The following CCDC170 variants were observed in gnomAD, a reference collection of about 807,000 sequenced individuals.
The protein encoded by CCDC170 is coiled-coil domain containing 170, also known as coiled-coil domain-containing protein 170.
CCDC170 carries 69 observed loss-of-function variants against 72.6 expected under a neutral mutation model. That is an observed-to-expected ratio of 0.95 (90% CI 0.78 to 1.16). The LOEUF is 1.16. CCDC170 is among the 50% of genes most tolerant of loss of function. The pLI is 0.00. For synonymous variants in CCDC170, 300 were observed against 303.9 expected (o/e 0.99, Z 0.13); for missense variants, 852 against 832.5 (o/e 1.02, Z -0.29).
chr6:151,529,170 TAACA>T (rs1364869424), intron 1 of CCDC170, among the ~76,000 whole-genome samples: 1 of 152,178 alleles, frequency 6.6e-6, no homozygotes, highest in Non-Finnish European at 1.5e-5. Context: ...TGAAAAACAG[TAACA>T]AACAATGAAT....
At chr6:151,545,087 TTGAG>T (rs1383201481) in intron 4 of CCDC170, among the ~76,000 whole-genome samples, 1 of 152,120 alleles carries the variant, frequency 6.6e-6, no homozygotes, top group African/African-American at 2.4e-5. Context: ...AGGATACTGA[TTGAG>T]TGTGAGATCT....
chr6:151,601,380 T>G (rs1776706212), intron 9 of CCDC170, among the ~76,000 whole-genome samples: 1 of 152,088 alleles, frequency 6.6e-6, no homozygotes. Context: ...ATATCACTTC[T>G]TTTACTTAGT....
intron 6 of CCDC170, among the ~76,000 whole-genome samples, chr6:151,582,575 C>T (rs1276283186): frequency 1.3e-5 from 2 of 152,056 alleles, no homozygotes; most frequent in Admixed American, 1.3e-4. Context: ...TTTGTGTTGC[C>T]ATAAAAGAAT....
chr6:151,595,015 T>C (rs73780807), intron 8 of CCDC170, among the ~76,000 whole-genome samples: 16,853 of 152,176 alleles, frequency 0.11, 1,201 homozygotes, highest in African/African-American at 0.21. Flanking sequence ...ATTAAAAAGG[T>C]CTTGTTCAAA....
chr6:151,533,394 G>T (rs1203925341), intron 1 of CCDC170, among the ~76,000 whole-genome samples: 1 of 151,876 alleles, frequency 6.6e-6, no homozygotes, highest in Non-Finnish European at 1.5e-5. Context: ...CTGGCTGGGC[G>T]TAGTGGCTCA....
intron 4 of CCDC170, among the ~76,000 whole-genome samples, chr6:151,545,257 T>TG (rs1782753491): frequency 6.6e-6 from 1 of 151,900 alleles, no homozygotes; most frequent in South Asian, 2.1e-4. Flanking sequence ...CCGTCTCTAC[T>TG]AAAATACAAA....
intron 1 of CCDC170, among the ~76,000 whole-genome samples, chr6:151,498,938 A>G (rs111304522): frequency 9.0e-5 from 11 of 122,530 alleles, no homozygotes; most frequent in African/African-American, 2.1e-4. Flanking sequence ...TTCTAGGCAC[A>G]CTGTATAAGT....
At chr6:151,509,573 T>C (rs1017937805) in intron 1 of CCDC170, among the ~76,000 whole-genome samples, 3 of 152,124 alleles carry the variant, frequency 2.0e-5, no homozygotes, top group African/African-American at 4.8e-5. Context: ...AGCTCCCAAA[T>C]CAACAAGATC....
intron 1 of CCDC170, among the ~76,000 whole-genome samples, chr6:151,523,910 G>A (rs1446450198): frequency 1.3e-5 from 2 of 152,200 alleles, no homozygotes; most frequent in Non-Finnish European, 2.9e-5. Flanking sequence ...ATCACCTGGA[G>A]TACTTTGTCT....
intron 6 of CCDC170, among the ~76,000 whole-genome samples, chr6:151,582,684 C>A (rs1776395127): frequency 1.3e-5 from 2 of 152,132 alleles, no homozygotes; most frequent in South Asian, 4.1e-4. Flanking sequence ...TGGCAATGAA[C>A]CTCAAGAAAC....
intron 1 of CCDC170, among the ~76,000 whole-genome samples, chr6:151,532,432 C>A (rs1360998275): frequency 6.6e-6 from 1 of 151,886 alleles, no homozygotes; most frequent in African/African-American, 2.4e-5. Flanking sequence ...CATGGTGAAA[C>A]CCTGTCTCTA....
chr6:151,560,741 G>A (rs1271726721), intron 5 of CCDC170, among the ~76,000 whole-genome samples: 1 of 151,984 alleles, frequency 6.6e-6, no homozygotes, highest in African/African-American at 2.4e-5. Flanking sequence ...TACTGTTGTA[G>A]GTTTAAATTC....
At chr6:151,596,657 G>T in intron 9 of CCDC170, 80 bp downstream of exon 9, 1 of 1,540,612 alleles carries the variant, frequency 6.5e-7, no homozygotes, top group Non-Finnish European at 8.7e-7. Context: ...CAGCTTTATC[G>T]GGACACGCCA....
intron 6 of CCDC170, among the ~76,000 whole-genome samples, chr6:151,585,175 T>C (rs527412447): frequency 3.3e-5 from 5 of 152,244 alleles, no homozygotes; most frequent in South Asian, 2.1e-4. Context: ...GATGGGAGCA[T>C]TGGGCAAATC....
chr6:151,543,068 A>T (rs985207519), intron 3 of CCDC170, among the ~76,000 whole-genome samples: 1 of 152,244 alleles, frequency 6.6e-6, no homozygotes, highest in Non-Finnish European at 1.5e-5. Context: ...GAAAAGCAAT[A>T]ATCATGTTTA....
At chr6:151,586,904 C>T (rs2115105690) in intron 7 of CCDC170, among the ~76,000 whole-genome samples, 1 of 152,124 alleles carries the variant, frequency 6.6e-6, no homozygotes, top group East Asian at 1.9e-4. Flanking sequence ...CCTGCCTCAG[C>T]CTCCCAAGTA....
In CCDC170 at chr6:151,509,213, T is replaced by G. The variant is rs1311074452; in HGVS notation, c.57+15028T>G. 4.1e-5 allele frequency among the ~76,000 whole-genome samples: 5 copies of G among 123,146 alleles called. No individual in the cohort carries two copies. The East Asian group carries it at 1.3e-3, about 32-fold the overall frequency. The allele number at this position is 123,146 out of a possible 152,430, so 80.8% of individuals were successfully genotyped here. A position where few individuals can be genotyped will look rare whatever the true frequency, so the allele number is the denominator to read the frequency against. ...CCTTTCGCTCTCTCTGTCTCATCTA[T>G]CTATCTATGTATCTATCTATCTATC... On this transcript the variant is annotated intron_variant, in intron 1 of 10. Transcript: ENST00000239374.
chr6:151,594,820 T>A (rs1376533503), intron 8 of CCDC170, among the ~76,000 whole-genome samples: 2 of 152,032 alleles, frequency 1.3e-5, no homozygotes, highest in Admixed American at 6.6e-5. Flanking sequence ...CCTGGCTAAT[T>A]TTGTATTTTT....
intron 9 of CCDC170, among the ~76,000 whole-genome samples, chr6:151,600,939 T>C (rs762428353): frequency 1.3e-5 from 2 of 152,206 alleles, no homozygotes; most frequent in Non-Finnish European, 2.9e-5. Context: ...GTCATCTTTC[T>C]GTCTTTATAA....
Sources: allele counts gnomAD v4.1 joint callset (sites outside exome capture counted in the v4.1 genomes callset), GRCh38; gene constraint gnomAD v4.1.1; transcripts MANE v1.5; gene names NCBI Gene and HGNC (gene_info 2026-07-23, HGNC 2026-07-21).